Variants in CDH13 observed in about 807,000 individuals in gnomAD.
The protein encoded by CDH13 is cadherin-13.
CDH13 carries 24 observed loss-of-function variants against 63.8 expected under a neutral mutation model. The observed-to-expected ratio is 0.38, with a 90% CI of 0.27 to 0.53. CDH13 has a LOEUF of 0.53. Among genes scored for constraint, CDH13 ranks in the 20% least tolerant of loss-of-function variants. The pLI, the probability that CDH13 is intolerant of heterozygous loss-of-function variation, is 0.85. For synonymous variants in CDH13, 503 were observed against 355.3 expected (o/e 1.42, Z -4.67); for missense variants, 1,049 against 903.1 (o/e 1.16, Z -2.07).
At chr16:83,113,132 G>T (rs547450243) in intron 3 of CDH13, among the ~76,000 whole-genome samples, 3 of 152,072 alleles carry the variant, frequency 2.0e-5, no homozygotes, top group Non-Finnish European at 2.9e-5. Context: ...AGACACCTGC[G>T]GTAGATTCTG....
intron 7 of CDH13, among the ~76,000 whole-genome samples, chr16:83,548,986 T>C (rs11644289): frequency 0.3 from 45,458 of 152,048 alleles, 6,865 homozygotes; most frequent in Middle Eastern, 0.35. Context: ...GGAAGAAGTG[T>C]GATTTAGTCC....
At chr16:83,511,522 C>T (rs1226821718) in intron 7 of CDH13, among the ~76,000 whole-genome samples, 1 of 151,782 alleles carries the variant, frequency 6.6e-6, no homozygotes, top group African/African-American at 2.4e-5. Flanking sequence ...CGCACATACA[C>T]CTACACATAC....
intron 4 of CDH13, among the ~76,000 whole-genome samples, chr16:83,209,533 AAGG>A (rs1567508383): frequency 6.6e-6 from 1 of 152,214 alleles, no homozygotes; most frequent in Non-Finnish European, 1.5e-5. Flanking sequence ...GAAAAAGAAA[AAGG>A]AGGTTTGTAT....
At chr16:82,961,768 G>A (rs888260617) in intron 2 of CDH13, among the ~76,000 whole-genome samples, 3 of 152,062 alleles carry the variant, frequency 2.0e-5, no homozygotes, top group Non-Finnish European at 2.9e-5. Context: ...CTCAAGTTGG[G>A]GTGATTTGGC....
intron 2 of CDH13, among the ~76,000 whole-genome samples, chr16:82,978,667 C>G (rs1402029066): frequency 6.6e-6 from 1 of 152,260 alleles, no homozygotes; most frequent in African/African-American, 2.4e-5. Context: ...TTGGGAACCT[C>G]TGTCTAGATT....
intron 1 of CDH13, among the ~76,000 whole-genome samples, chr16:82,662,522 A>G (rs1030207593): frequency 6.6e-6 from 1 of 152,196 alleles, no homozygotes; most frequent in African/African-American, 2.4e-5. Context: ...AGTGAGATTG[A>G]CCAGATGGCT....
intron 9 of CDH13, among the ~76,000 whole-genome samples, chr16:83,673,479 C>G (rs1016786685): frequency 6.6e-5 from 10 of 152,268 alleles, no homozygotes; most frequent in Admixed American, 1.3e-4. Context: ...ATTAAGATCA[C>G]CCACATGTTA....
intron 10 of CDH13, among the ~76,000 whole-genome samples, chr16:83,712,819 A>G (rs184284347): frequency 7.1e-4 from 108 of 152,360 alleles, no homozygotes; most frequent in African/African-American, 2.6e-3. Flanking sequence ...ACACACTAAT[A>G]AAAGCATAGA....
intron 7 of CDH13, among the ~76,000 whole-genome samples, chr16:83,591,731 A>C (rs1260167477): frequency 6.6e-6 from 1 of 152,212 alleles, no homozygotes; most frequent in Non-Finnish European, 1.5e-5. Context: ...TAGACAGCTA[A>C]CTTAGCACAG....
intron 1 of CDH13, among the ~76,000 whole-genome samples, chr16:82,780,619 G>C (rs560691249): frequency 5.0e-4 from 76 of 152,168 alleles, no homozygotes; most frequent in Non-Finnish European, 9.4e-4. Flanking sequence ...ATACCTAATA[G>C]TGGTCATTAG....
In CDH13 at chr16:83,783,414, A is replaced by T. The variant is rs1048612; in HGVS notation, c.2076A>T (p.Ala692=). Residue 692 remains alanine (A), a synonymous_variant, in exon 13 of 14, where the codon GCA becomes GCT. Coordinates refer to ENST00000567109, the MANE Select transcript of CDH13 (RefSeq NM_001257.5). Reference sequence around the variant, plus strand: ...ATTCCAAAGTGGACTGCAACGCGGCAGGGGCCCTGCGCTTCAGCCTGCCCT... The same window carrying T: ...ATTCCAAAGTGGACTGCAACGCGGCTGGGGCCCTGCGCTTCAGCCTGCCCT... ...CRNSKVDCNA[A]GALRFSLPSV... 3.1e-6 allele frequency: 5 copies of T among 1,613,788 alleles called. No homozygotes were observed. Among genetic ancestry groups the T allele is most frequent in the African/African-American group, 1.3e-5 (1 of 74,888 alleles).
chr16:83,526,464 C>A (rs73605880), intron 7 of CDH13, among the ~76,000 whole-genome samples: 1 of 152,098 alleles, frequency 6.6e-6, no homozygotes, highest in African/African-American at 2.4e-5. Flanking sequence ...AAGGAGCATG[C>A]AAGCTAGATC....
In CDH13 at chr16:82,684,492, C is replaced by T. The variant is rs190482692; in HGVS notation, c.45+57355C>T. 2.2e-3 allele frequency among the ~76,000 whole-genome samples: 339 copies of T among 152,174 alleles called. 1 individual carries two copies. Among genetic ancestry groups the T allele is most frequent in the Admixed American group, 4.2e-3 (64 of 15,270 alleles). ...TGCTGTAGTCAATTAGTGATGTCTG[C>T]CATGTGCACGGGTAGAGAAGTTATG... On this transcript the variant is annotated intron_variant, in intron 1 of 13. Coordinates refer to ENST00000567109, the MANE Select transcript of CDH13 (RefSeq NM_001257.5).
chr16:83,302,560 A>T (rs984104502), intron 5 of CDH13, among the ~76,000 whole-genome samples: 1 of 152,232 alleles, frequency 6.6e-6, no homozygotes, highest in Non-Finnish European at 1.5e-5. Context: ...CCCTTAATTC[A>T]GAGCTATTCA....
intron 10 of CDH13, among the ~76,000 whole-genome samples, chr16:83,726,783 A>C (rs1176135826): frequency 6.6e-6 from 1 of 151,688 alleles, no homozygotes; most frequent in African/African-American, 2.4e-5. Context: ...GCTTGTAGTG[A>C]GCGGAGATGG....
rs538349103 is a variant in CDH13 at position 83,594,992 on chromosome 16, A to C, written c.961-7462A>C. ...ACCATCTTGCTTTTGTTTCTAGAAT[A>C]TATATTAGCTGGTAGCTAGTTGACA... On this transcript the variant is annotated intron_variant, in intron 7 of 13. Coordinates refer to ENST00000567109, the MANE Select transcript of CDH13 (RefSeq NM_001257.5). Among the ~76,000 whole-genome samples the C allele has an allele frequency of 3.3e-5, 5 of 152,280 alleles. No individual in the cohort carries two copies. In the South Asian group the frequency reaches 1.0e-3, roughly 32 times the overall value.
intron 6 of CDH13, among the ~76,000 whole-genome samples, chr16:83,430,295 C>G (rs1028872112): frequency 6.6e-6 from 1 of 152,114 alleles, no homozygotes; most frequent in Non-Finnish European, 1.5e-5. Flanking sequence ...TGAAGATTAA[C>G]TATACAGTAA....
At chr16:83,029,052 A>C (rs1431841448) in intron 2 of CDH13, among the ~76,000 whole-genome samples, 1 of 152,188 alleles carries the variant, frequency 6.6e-6, no homozygotes, top group Non-Finnish European at 1.5e-5. Flanking sequence ...AGGGGATCAA[A>C]ATAGTACTTT....
At chr16:83,579,493 A>G (rs1177463857) in intron 7 of CDH13, among the ~76,000 whole-genome samples, 1 of 151,984 alleles carries the variant, frequency 6.6e-6, no homozygotes, top group African/African-American at 2.4e-5. Context: ...AGGGGGAGGC[A>G]CTACACACTT....
Sources: gnomAD v4.1 joint callset for allele counts (sites outside exome capture counted in the v4.1 genomes callset) on GRCh38, gnomAD v4.1.1 for gene constraint, MANE v1.5 for transcripts, NCBI Gene and HGNC (gene_info 2026-07-23, HGNC 2026-07-21) for gene names.